Variants in MYO16 observed in about 807,000 individuals in gnomAD.
MYO16 encodes the protein myosin XVI.
In MYO16, 94 loss-of-function variants were observed where a neutral mutation model predicts 205.3. That is an observed-to-expected ratio of 0.46 (90% CI 0.39 to 0.54). The LOEUF is 0.54. MYO16 is among the 20% of genes least tolerant of loss of function. The pLI is 0.00. For missense variants in MYO16, 2,315 were observed against 2,387.5 expected (o/e 0.97, Z 0.63); for synonymous variants, 988 against 954.0 (o/e 1.04, Z -0.66).
Position 109,171,591 on chromosome 13 carries a change from CT to C in MYO16, c.5323+6540del, listed in dbSNP as rs552770523. Reference sequence around the variant, plus strand: ...TACTGATGCGAGCGCAGACTTGGATCTTTTTTTTGTATATTTAATTATTCCC... The same window carrying C: ...TACTGATGCGAGCGCAGACTTGGATCTTTTTTTGTATATTTAATTATTCCC... On this transcript the variant is annotated intron_variant, in intron 33 of 34. Transcript: ENST00000457511. Among the ~76,000 whole-genome samples the C allele has an allele frequency of 1.1e-4, 17 of 152,030 alleles. No homozygotes were observed. The East Asian group carries it at 2.7e-3, about 24-fold the overall frequency.
chr13:108,516,151 G>C, the MYO16 span, among the ~76,000 whole-genome samples: 32 of 152,078 alleles, frequency 2.1e-4, no homozygotes, highest in African/African-American at 7.7e-4. Context: ...AGGACCCTCT[G>C]AGCCAGGTGT....
intron 16 of MYO16, among the ~76,000 whole-genome samples, chr13:108,946,619 G>T (rs1810294323): frequency 6.6e-6 from 1 of 152,176 alleles, no homozygotes; most frequent in Admixed American, 6.5e-5. Flanking sequence ...TTGTTAAATA[G>T]GAGTTATTAA....
chr13:109,136,335 T>G (rs1876775391), intron 31 of MYO16, among the ~76,000 whole-genome samples: 1 of 152,160 alleles, frequency 6.6e-6, no homozygotes, highest in African/African-American at 2.4e-5. Flanking sequence ...CCTTGTGATC[T>G]GCCCGCCTCG....
At chr13:108,944,714 C>G (rs952066071) in intron 16 of MYO16, among the ~76,000 whole-genome samples, 1 of 152,066 alleles carries the variant, frequency 6.6e-6, no homozygotes, top group African/African-American at 2.4e-5. Context: ...CAATTTATTT[C>G]TAAAGAAATA....
chr13:109,184,765 T>C (rs1242343154), intron 34 of MYO16, among the ~76,000 whole-genome samples: 1 of 151,108 alleles, frequency 6.6e-6, no homozygotes, highest in African/African-American at 2.5e-5. Flanking sequence ...CTTGGCTAAT[T>C]TTTTTCTTTT....
intron 10 of MYO16, among the ~76,000 whole-genome samples, chr13:108,846,803 A>G (rs1388579151): frequency 6.6e-6 from 1 of 152,132 alleles, no homozygotes; most frequent in Non-Finnish European, 1.5e-5. Flanking sequence ...TAATTCATTT[A>G]TATAAATTGT....
intron 4 of MYO16, among the ~76,000 whole-genome samples, chr13:108,772,079 G>T (rs78767631): frequency 0.08 from 12,116 of 152,214 alleles, 617 homozygotes; most frequent in Non-Finnish European, 0.12. Context: ...CAGGCTGGTG[G>T]GGTGGCTCAT....
At chr13:109,069,330 C>G (rs1032901909) in intron 27 of MYO16, among the ~76,000 whole-genome samples, 3 of 152,116 alleles carry the variant, frequency 2.0e-5, no homozygotes, top group Non-Finnish European at 2.9e-5. Flanking sequence ...TTATTGTCCC[C>G]AAATCATCCT....
chr13:109,105,287 A>C (rs1889090585), intron 28 of MYO16, among the ~76,000 whole-genome samples: 1 of 152,224 alleles, frequency 6.6e-6, no homozygotes, highest in African/African-American at 2.4e-5. Flanking sequence ...TCTGGCCAAC[A>C]TGGTGAAACC....
chr13:108,633,387 G>T (rs1880076232), intron 1 of MYO16, among the ~76,000 whole-genome samples: 1 of 152,166 alleles, frequency 6.6e-6, no homozygotes, highest in South Asian at 2.1e-4. Context: ...TGTGGTCAAA[G>T]GTCCAAGAGT....
chr13:108,815,125 C>T (rs565895954), intron 7 of MYO16, among the ~76,000 whole-genome samples: 2 of 152,224 alleles, frequency 1.3e-5, no homozygotes, highest in Admixed American at 1.3e-4. Context: ...ACACTTCACA[C>T]TACAAAATGT....
intron 16 of MYO16, among the ~76,000 whole-genome samples, chr13:108,920,518 G>A (rs1881697995): frequency 6.6e-6 from 1 of 151,866 alleles, no homozygotes; most frequent in Non-Finnish European, 1.5e-5. Context: ...GAATGCAATG[G>A]TGCCATCTCA....
chr13:108,736,093 T>C (rs1884688136), intron 4 of MYO16, among the ~76,000 whole-genome samples: 1 of 152,212 alleles, frequency 6.6e-6, no homozygotes, highest in African/African-American at 2.4e-5. Flanking sequence ...ATTCTGTAGG[T>C]TGCCCGTTCA....
chr13:108,631,902 A>G (rs1879998066), intron 1 of MYO16, among the ~76,000 whole-genome samples: 1 of 152,100 alleles, frequency 6.6e-6, no homozygotes, highest in Non-Finnish European at 1.5e-5. Flanking sequence ...ACATAGTGAA[A>G]CCCTGTCTCT....
chr13:108,990,296 G>A (rs1031828518), intron 20 of MYO16, among the ~76,000 whole-genome samples: 12 of 152,228 alleles, frequency 7.9e-5, no homozygotes, highest in Non-Finnish European at 1.6e-4. Context: ...ATGGAGAGGA[G>A]GATGCATGGA....
the MYO16 span, among the ~76,000 whole-genome samples, chr13:108,558,615 G>A: frequency 6.6e-6 from 1 of 152,196 alleles, no homozygotes; most frequent in East Asian, 1.9e-4. Flanking sequence ...ACTCACCTCA[G>A]CTCCCACGAA....
At chr13:108,753,335 A>C (rs1269342402) in intron 4 of MYO16, among the ~76,000 whole-genome samples, 1 of 141,874 alleles carries the variant, frequency 7.0e-6, no homozygotes, top group African/African-American at 2.7e-5. Flanking sequence ...GTTCCACTGC[A>C]CTCCAGCCTG....
chr13:109,054,927 TTC>T lies in MYO16; in HGVS notation c.3049-115_3049-114del, dbSNP rs977121347. On this transcript the variant is annotated intron_variant, in intron 25 of 34. Transcript: ENST00000457511. ...CCTTCTTTTCTTCTTCCTTCCTTCT[TTC>T]TCTTTTTTCCTTTCTCCCTCCCTTC... 1.3e-4 allele frequency: 74 copies of T among 584,808 alleles called. No individual in the cohort carries two copies. In the East Asian group the frequency reaches 1.8e-3, roughly 14 times the overall value. 36.2% of individuals were successfully genotyped at this position (584,808 alleles called of 1,614,324 possible).
chr13:108,526,731 T>C, the MYO16 span, among the ~76,000 whole-genome samples: 1 of 152,240 alleles, frequency 6.6e-6, no homozygotes, highest in East Asian at 1.9e-4. Flanking sequence ...TGAACTTTTG[T>C]CAAAGTATGT....
Sources: allele counts gnomAD v4.1 joint callset (sites outside exome capture counted in the v4.1 genomes callset), GRCh38; gene constraint gnomAD v4.1.1; transcripts MANE v1.5; gene names NCBI Gene and HGNC (gene_info 2026-07-23, HGNC 2026-07-21).